The following DNAH10 variants were observed in gnomAD, a reference collection of about 807,000 sequenced individuals.
The protein encoded by DNAH10 is dynein axonemal heavy chain 10.
A neutral mutation model predicts 506.6 loss-of-function variants in DNAH10; 348 were observed. That is an observed-to-expected ratio of 0.69 (90% CI 0.63 to 0.75). The LOEUF (loss-of-function observed/expected upper bound fraction) is 0.75, where lower values mean the gene tolerates loss of function less well. Among genes scored for constraint, DNAH10 ranks in the 30% least tolerant of loss-of-function variants. The pLI is 0.00. For synonymous variants in DNAH10, 2,059 were observed against 2,198.6 expected (o/e 0.94, Z 1.78); for missense variants, 5,179 against 5,787.1 (o/e 0.89, Z 3.41).
rs1956868377 is a variant in DNAH10 at position 123,762,615 on chromosome 12, G to A, written c.214+65G>A. 3 of 1,471,826 alleles carry A rather than the reference G, an allele frequency of 2.0e-6. No individual in the cohort carries two copies. Among genetic ancestry groups the A allele is most frequent in the Non-Finnish European group, 2.7e-6 (3 of 1,102,896 alleles). 91.2% of individuals were successfully genotyped at this position (1,471,826 alleles called of 1,614,324 possible). On this transcript the variant is annotated intron_variant, in intron 1 of 78. Coordinates refer to ENST00000673944, the MANE Select transcript of DNAH10 (RefSeq NM_001372106.1). The surrounding 1 kb of genome is among the most constrained non-coding windows in gnomAD (Gnocchi z 5.0). The stretch of plus-strand genomic sequence containing the variant: ...CCTGCCCGTCCCGGCCTCTCCGGCG[G>A]GCGCCGGGGCTGCTAGAGCCTGCCC...
intron 9 of DNAH10, among the ~76,000 whole-genome samples, chr12:123,786,903 C>A (rs1957877145): frequency 6.6e-6 from 1 of 151,894 alleles, no homozygotes; most frequent in African/African-American, 2.4e-5. Context: ...TTTGGGAGGC[C>A]AAGGCAGGCG....
chr12:123,847,348 C>G (rs770512333), intron 32 of DNAH10, among the ~76,000 whole-genome samples: 1 of 148,804 alleles, frequency 6.7e-6, no homozygotes. Context: ...ATCTATCTAT[C>G]TATCTGGATA....
chr12:123,762,570 T>C lies in DNAH10; in HGVS notation c.214+20T>C, dbSNP rs966555227. The C allele has an allele frequency of 6.5e-6, 10 of 1,538,608 alleles. No homozygotes were observed. The highest frequency in any genetic ancestry group is 8.7e-7 in the Non-Finnish European group (1 of 1,143,226). ...AGATTGGTGAGCCTCGACGCGCCGC[T>C]CCCTTCCCCGGGCTTCCCTCCTGCC... On this transcript the variant is annotated intron_variant, in intron 1 of 78. Coordinates refer to ENST00000673944, the MANE Select transcript of DNAH10 (RefSeq NM_001372106.1). The surrounding 1 kb of genome is among the most constrained non-coding windows in gnomAD (Gnocchi z 5.0).
At chr12:123,829,536 G>A (rs1450675448) in intron 25 of DNAH10, among the ~76,000 whole-genome samples, 2 of 152,114 alleles carry the variant, frequency 1.3e-5, no homozygotes, top group African/African-American at 2.4e-5. Flanking sequence ...AGCTTCATGG[G>A]AAAAGGGGGA....
Position 123,902,640 on chromosome 12 carries a change from C to T in DNAH10, c.9641-299C>T, listed in dbSNP as rs542148962. On this transcript the variant is annotated intron_variant, in intron 56 of 78. Transcript: ENST00000673944. This position sits in a 1 kb window ranked among gnomAD's most constrained non-coding sequence, Gnocchi z 4.5. Reference sequence around the variant, plus strand: ...CCCCAGCATCCTCACTGAACACCGGCGAGGCAGGGCTGGGGGCTATCAGGA... The same window carrying T: ...CCCCAGCATCCTCACTGAACACCGGTGAGGCAGGGCTGGGGGCTATCAGGA... Among the ~76,000 whole-genome samples, 89 of 152,228 alleles carry T rather than the reference C, an allele frequency of 5.8e-4. No homozygotes were observed. The highest frequency in any genetic ancestry group is 2.0e-3 in the African/African-American group (85 of 41,540).
intron 4 of DNAH10, among the ~76,000 whole-genome samples, 157 bp downstream of exon 4, chr12:123,773,099 C>A (rs1445317536): frequency 2.6e-5 from 4 of 152,180 alleles, no homozygotes; most frequent in Non-Finnish European, 5.9e-5. Flanking sequence ...GTAGTCTTCT[C>A]AAAGCTAATT....
chr12:123,773,124 G>A (rs1192560415), intron 4 of DNAH10, among the ~76,000 whole-genome samples, 182 bp downstream of exon 4: 1 of 152,236 alleles, frequency 6.6e-6, no homozygotes, highest in Non-Finnish European at 1.5e-5. Flanking sequence ...GTAAAGAAGT[G>A]TTAGAGATAA....
chr12:123,898,705 C>G lies in DNAH10; in HGVS notation c.9531C>G (p.Ile3177Met), dbSNP rs1953372141. ...TGGACAAGCTGAAGGAGGCCACCAT[C>G]CAGCTGGACGAGCTGAACCAGAAGC... ...GGLDKLKEAT[I>M]QLDELNQKLA... The change falls in exon 56 of 79, where the codon ATC (isoleucine) becomes ATG (methionine). Residue 3177 changes from isoleucine (I) to methionine (M), a missense_variant. Ile to Met is a conservative substitution (Grantham distance 10, BLOSUM62 1). Around this residue, in one of 3 missense-constraint regions of DNAH10, gnomAD observed 4,844 missense variants for 5,430.5 expected, o/e 0.89. Transcript: ENST00000673944. The G allele has an allele frequency of 6.2e-7, 1 of 1,602,368 alleles. No homozygotes were observed. The highest frequency in any genetic ancestry group is 8.5e-7 in the Non-Finnish European group (1 of 1,174,844).
In DNAH10 at chr12:123,925,457, G is replaced by A. The variant is rs941811426; in HGVS notation, c.11921+253G>A. On this transcript the variant is annotated intron_variant, in intron 68 of 78. Transcript: ENST00000673944. This position sits in a 1 kb window ranked among gnomAD's most constrained non-coding sequence, Gnocchi z 4.0. ...TAGCTACATTAGAAAAGAAATGGGC[G>A]CAATTAATTGTAATAACATTTTATT... 3.0e-4 allele frequency: 113 copies of A among 381,680 alleles called. No homozygotes were observed. Among genetic ancestry groups the A allele is most frequent in the South Asian group, 2.1e-4 (2 of 9,420 alleles). 23.6% of individuals were successfully genotyped at this position (381,680 alleles called of 1,614,324 possible).
In DNAH10 at chr12:123,853,864, A is replaced by C. The variant is rs1253308227; in HGVS notation, c.6438+512A>C. On this transcript the variant is annotated intron_variant, in intron 36 of 78. Coordinates refer to ENST00000673944, the MANE Select transcript of DNAH10 (RefSeq NM_001372106.1). The surrounding 1 kb of genome is among the most constrained non-coding windows in gnomAD (Gnocchi z 4.7). ...CACGCACGGACACACGCACGCGCACACACACACGGATACATGCACGCGCAC... is the reference window on the plus strand; with the variant it reads ...CACGCACGGACACACGCACGCGCACCCACACACGGATACATGCACGCGCAC... 6.6e-6 allele frequency among the ~76,000 whole-genome samples: 1 copy of C among 150,708 alleles called. No homozygotes were observed. Among genetic ancestry groups the C allele is most frequent in the Non-Finnish European group, 1.5e-5 (1 of 67,604 alleles).
chr12:123,888,874 C>T (rs1218953603), intron 52 of DNAH10, among the ~76,000 whole-genome samples: 1 of 152,200 alleles, frequency 6.6e-6, no homozygotes. Context: ...AAGATCCGTG[C>T]TGACTTCGTC....
In DNAH10 at chr12:123,923,744, A is replaced by G. The variant is rs1370353493; in HGVS notation, c.11507-19A>G. On this transcript the variant is annotated intron_variant, in intron 65 of 78. Coordinates refer to ENST00000673944, the MANE Select transcript of DNAH10 (RefSeq NM_001372106.1). ...AATGAATTTTAAGAAATCAATACTCATCTGATGTTTCCCTCCAGGGCTGTT... is the reference window on the plus strand; with the variant it reads ...AATGAATTTTAAGAAATCAATACTCGTCTGATGTTTCCCTCCAGGGCTGTT... 1 of 1,560,982 alleles carries G rather than the reference A, an allele frequency of 6.4e-7. No homozygotes were observed. Among genetic ancestry groups the G allele is most frequent in the Non-Finnish European group, 8.7e-7 (1 of 1,147,204 alleles).
Position 123,875,364 on chromosome 12 carries a change from A to G in DNAH10, c.8072A>G (p.Lys2691Arg). Residue 2691 changes from lysine to arginine, a missense_variant, in exon 47 of 79, where the codon AAG becomes AGG. Lys to Arg is a conservative substitution (Grantham distance 26). Transcript: ENST00000673944. ...RDLGFIAAMG[K>R]AGGGRNEVDP... ...CTTGGCTTTATTGCTGCAATGGGAA[A>G]GGCTGGAGGAGGCCGCAATGAAGTT... 6.2e-7 allele frequency: 1 copy of G among 1,614,054 alleles called. No individual in the cohort carries two copies. The highest frequency in any genetic ancestry group is 1.1e-5 in the South Asian group (1 of 91,086).
rs35228838 is a variant in DNAH10, at chr12:123,928,978, G to GTC, written c.12307-281_12307-280dup. ...TTTTGGAAAGGTTTTGTCATTCTCT[G>GTC]TCTCTCTCTCTCTCTCTGGGGAGGT... On this transcript the variant is annotated intron_variant, in intron 70 of 78. Transcript: ENST00000673944. This position sits in a 1 kb window ranked among gnomAD's most constrained non-coding sequence, Gnocchi z 4.9. 119,265 of 465,556 alleles carry GTC rather than the reference G, an allele frequency of 0.26. 8,162 individuals are homozygous for GTC. Among genetic ancestry groups the GTC allele is most frequent in the African/African-American group, 0.32 (16,011 of 49,916 alleles). 28.8% of individuals were successfully genotyped at this position (465,556 alleles called of 1,614,324 possible). A position where few individuals can be genotyped will look rare whatever the true frequency, so the allele number is the denominator to read the frequency against.
At chr12:123,875,860 A>G (rs1456320330) in intron 47 of DNAH10, among the ~76,000 whole-genome samples, 1 of 151,428 alleles carries the variant, frequency 6.6e-6, no homozygotes, top group Non-Finnish European at 1.5e-5. Flanking sequence ...GGTCTCTTGA[A>G]CTCTCCTAAC....
At chr12:123,854,429 T>G (rs1951310716) in intron 36 of DNAH10, among the ~76,000 whole-genome samples, 1 of 152,186 alleles carries the variant, frequency 6.6e-6, no homozygotes, top group Non-Finnish European at 1.5e-5. Flanking sequence ...GCGGTGAATA[T>G]GGTCCCATCA....
rs188201297 is a variant in DNAH10, at chr12:123,846,100, C to T, written c.5760C>T (p.Asn1920=). The change falls in exon 32 of 79, where the codon AAC becomes AAT. Residue 1920 remains asparagine, a synonymous_variant. Coordinates refer to ENST00000673944, the MANE Select transcript of DNAH10 (RefSeq NM_001372106.1). The surrounding 1 kb of genome is among the most constrained non-coding windows in gnomAD (Gnocchi z 4.5). ...ACGGCTACGAGTACATGGGCCTGAACGGCAGGCTGGTCATCACGCCCCTCA... is the reference window on the plus strand; with the variant it reads ...ACGGCTACGAGTACATGGGCCTGAATGGCAGGCTGGTCATCACGCCCCTCA... ...FGYGYEYMGL[N]GRLVITPLTD... is the part of the protein sequence containing the mutation. 3,086 of 1,613,950 alleles carry T rather than the reference C, an allele frequency of 1.9e-3. 40 individuals carry two copies. The highest frequency in any genetic ancestry group is 7.6e-4 in the East Asian group (34 of 44,882).
chr12:123,842,472 C>G (rs1325256205), intron 30 of DNAH10, among the ~76,000 whole-genome samples: 1 of 152,182 alleles, frequency 6.6e-6, no homozygotes, highest in Non-Finnish European at 1.5e-5. Flanking sequence ...GAATATTTGG[C>G]AGGGCCTTCG....
At chr12:123,814,925 T>C (rs563489426) in intron 21 of DNAH10, among the ~76,000 whole-genome samples, 3 of 152,266 alleles carry the variant, frequency 2.0e-5, no homozygotes, top group Admixed American at 2.0e-4. Flanking sequence ...CCTAGCCAGG[T>C]AGATTTTTGT....
Sources: gnomAD v4.1 joint callset for allele counts (sites outside exome capture counted in the v4.1 genomes callset) on GRCh38, gnomAD v4.1.1 for gene constraint, gnomAD v4.1.1 regional missense constraint, Gnocchi (gnomAD v3.1) non-coding constraint, MANE v1.5 for transcripts, NCBI Gene and HGNC (gene_info 2026-07-23, HGNC 2026-07-21) for gene names.